Variants in NSG1 observed in about 807,000 individuals in gnomAD.
NSG1 encodes the protein neuronal vesicle trafficking associated 1, also known as neuronal vesicle trafficking-associated protein 1.
NSG1 carries 9 observed loss-of-function variants against 19.3 expected under a neutral mutation model. That is an observed-to-expected ratio of 0.47 (90% confidence interval 0.28 to 0.81). The LOEUF (loss-of-function observed/expected upper bound fraction) is 0.81, where lower values mean the gene tolerates loss of function less well. NSG1 is among the 40% of genes least tolerant of loss of function. NSG1 has a pLI of 0.11. For synonymous variants in NSG1, 104 were observed against 107.0 expected (o/e 0.97, Z 0.17); for missense variants, 236 against 242.4 (o/e 0.97, Z 0.18).
At chr4:4,402,210 A>T (rs1577287012) in intron 3 of NSG1, among the ~76,000 whole-genome samples, 1 of 140,420 alleles carries the variant, frequency 7.1e-6, no homozygotes, top group African/African-American at 2.7e-5. Context: ...TTTTCCTTTG[A>T]TTTTTTTTTT....
At chr4:4,405,732 C>T (rs1723817000) in intron 3 of NSG1, among the ~76,000 whole-genome samples, 1 of 152,180 alleles carries the variant, frequency 6.6e-6, no homozygotes, top group African/African-American at 2.4e-5. Flanking sequence ...CCACGGGCCG[C>T]CCGCTGACTC....
intron 3 of NSG1, among the ~76,000 whole-genome samples, chr4:4,401,080 TTGGGCCACCG>T (rs1374003898): frequency 2.6e-5 from 4 of 152,212 alleles, no homozygotes; most frequent in African/African-American, 9.6e-5. Context: ...CTGGGCCACC[TTGGGCCACCG>T]TGGGATGCAC....
rs1006021012 is a variant in NSG1 at position 4,409,683 on chromosome 4, G to A, written c.357G>A (p.Lys119=). 1.2e-6 allele frequency: 2 copies of A among 1,612,512 alleles called. No individual in the cohort carries two copies. The highest frequency in any genetic ancestry group is 1.7e-6 in the Non-Finnish European group (2 of 1,178,668). ...DRACPDGFVL[K]NTQCIPEGLE... is the part of the protein sequence containing the mutation. ...CCTGCCCCGATGGGTTCGTCCTCAA[G>A]GTAAAACTCCGTTTTCCCCCAGAGG... The change falls in exon 4 of 5, where the codon AAG becomes AAA. Residue 119 remains lysine, a splice_region_variant and synonymous_variant. Coordinates refer to ENST00000621129, the MANE Select transcript of NSG1 (RefSeq NM_014392.5).
At chr4:4,387,535 G>T (rs1020776127) in intron 1 of NSG1, 69 bp from the exon 2 acceptor site, 36 of 1,032,422 alleles carry the variant, frequency 3.5e-5, no homozygotes, top group African/African-American at 3.1e-4. Flanking sequence ...GTGGGTGTGG[G>T]TGCCCACTTC....
At chr4:4,395,562 C>G (rs1402708879) in intron 3 of NSG1, among the ~76,000 whole-genome samples, 2 of 152,094 alleles carry the variant, frequency 1.3e-5, no homozygotes, top group Non-Finnish European at 2.9e-5. Flanking sequence ...GAAACGGGAG[C>G]ATATGGGGAG....
upstream of NSG1, chr4:4,386,848 C>T (rs1163679508): frequency 6.6e-6 from 1 of 152,196 alleles, no homozygotes; most frequent in Non-Finnish European, 1.5e-5. Flanking sequence ...CGTCCTCTCC[C>T]GCTCCCCTGT....
Position 4,390,775 on chromosome 4 carries a change from C to T in NSG1, c.130-700C>T, listed in dbSNP as rs559644024. Among the ~76,000 whole-genome samples, 5 of 152,268 alleles carry T rather than the reference C, an allele frequency of 3.3e-5. No homozygotes were observed. In the East Asian group the frequency reaches 9.7e-4, roughly 29 times the overall value. ...CCGCTGAGGCCAGGGCTGTGAGTGTCCAGGGCTGGGAGGCTTCTTGGGTCC... is the reference window on the plus strand; with the variant it reads ...CCGCTGAGGCCAGGGCTGTGAGTGTTCAGGGCTGGGAGGCTTCTTGGGTCC... On this transcript the variant is annotated intron_variant, in intron 2 of 4. Transcript: ENST00000621129.
chr4:4,390,905 G>T (rs1270753631), intron 2 of NSG1, among the ~76,000 whole-genome samples: 1 of 151,714 alleles, frequency 6.6e-6, no homozygotes. Context: ...AGAGCAGGGA[G>T]ACCCTTTGGG....
intron 4 of NSG1, among the ~76,000 whole-genome samples, chr4:4,414,882 G>T (rs1306963755): frequency 1.3e-5 from 2 of 151,950 alleles, no homozygotes; most frequent in African/African-American, 4.8e-5. Flanking sequence ...CCCAAGCTGA[G>T]GCATATCGTG....
At chr4:4,416,295 G>A (rs1724536965) in intron 4 of NSG1, 2 of 684,384 alleles carry the variant, frequency 2.9e-6, no homozygotes, top group African/African-American at 3.6e-5. Flanking sequence ...GCGGGGCAGT[G>A]TTGGTGAGAA....
chr4:4,400,450 G>A (rs1171602877), intron 3 of NSG1, among the ~76,000 whole-genome samples: 1 of 152,094 alleles, frequency 6.6e-6, no homozygotes, highest in Non-Finnish European at 1.5e-5. Flanking sequence ...GCTCTTTAGG[G>A]TCCCTTGTAA....
upstream of NSG1, chr4:4,387,037 G>A (rs1448861877): frequency 1.3e-5 from 2 of 152,050 alleles, no homozygotes; most frequent in Non-Finnish European, 1.5e-5. Flanking sequence ...GCGCGAGGAG[G>A]AGGGAGCGGC....
At chr4:4,414,563 T>G (rs919456323) in intron 4 of NSG1, among the ~76,000 whole-genome samples, 2 of 152,222 alleles carry the variant, frequency 1.3e-5, no homozygotes, top group Non-Finnish European at 2.9e-5. Context: ...TCCATATTTG[T>G]GCGTGTGTTT....
At chr4:4,407,380 G>C (rs1376296490) in intron 3 of NSG1, among the ~76,000 whole-genome samples, 1 of 152,086 alleles carries the variant, frequency 6.6e-6, no homozygotes, top group Non-Finnish European at 1.5e-5. Context: ...TAGTGGGTCT[G>C]AGCTGGGGAG....
intron 4 of NSG1, among the ~76,000 whole-genome samples, chr4:4,411,281 C>CT (rs1369089006): frequency 4.6e-5 from 7 of 152,288 alleles, no homozygotes; most frequent in South Asian, 4.1e-4. Context: ...TTTTTTAATT[C>CT]TTTTTTTACT....
chr4:4,411,221 C>G (rs7664445), intron 4 of NSG1, among the ~76,000 whole-genome samples: 53,656 of 152,128 alleles, frequency 0.35, 13,192 homozygotes, highest in African/African-American at 0.7. Context: ...GCTCAAACAT[C>G]TTGCACAACT....
chr4:4,410,132 G>A (rs1383381234), intron 4 of NSG1, among the ~76,000 whole-genome samples: 5 of 152,184 alleles, frequency 3.3e-5, no homozygotes, highest in African/African-American at 1.2e-4. Context: ...CCAAGGCCAC[G>A]CAGGGAAAGG....
At chr4:4,397,608 G>A (rs1577283929) in intron 3 of NSG1, among the ~76,000 whole-genome samples, 1 of 152,220 alleles carries the variant, frequency 6.6e-6, no homozygotes, top group South Asian at 2.1e-4. Flanking sequence ...ACAAGGCCAC[G>A]GGCCACTGCC....
rs145198257 is a variant in NSG1 at position 4,408,787 on chromosome 4, C to A, written c.247-786C>A. ...TTTTGGCTTTGAGACATACTCTCGT[C>A]CCTGCCAGGCTCCCTGGCAGCCGGG... On this transcript the variant is annotated intron_variant, in intron 3 of 4. Coordinates refer to ENST00000621129, the MANE Select transcript of NSG1 (RefSeq NM_014392.5). Among the ~76,000 whole-genome samples the A allele has an allele frequency of 1.5e-4, 23 of 152,318 alleles. 1 individual carries two copies. The East Asian group carries it at 4.5e-3, about 29-fold the overall frequency.
Sources: allele counts gnomAD v4.1 joint callset (sites outside exome capture counted in the v4.1 genomes callset), GRCh38; gene constraint gnomAD v4.1.1; transcripts MANE v1.5; gene names NCBI Gene and HGNC (gene_info 2026-07-23, HGNC 2026-07-21).